BLTP1: variants seen among roughly 807,000 people sequenced by gnomAD.
The protein encoded by BLTP1 is bridge-like lipid transfer protein family member 1, also known as fragile site-associated protein.
chr4:122,224,179 C>T, the BLTP1 span: 1 of 698,210 alleles, frequency 1.4e-6, no homozygotes, highest in Non-Finnish European at 1.8e-6. Context: ...AGACTGGTCT[C>T]TTGTATTCCC....
chr4:122,167,991 TACA>T, the BLTP1 span: 1 of 715,472 alleles, frequency 1.4e-6, no homozygotes, highest in Non-Finnish European at 1.7e-6. Context: ...TGGCTGAGCA[TACA>T]ACATTTTTGT....
the BLTP1 span, among the ~76,000 whole-genome samples, chr4:122,163,305 A>T: frequency 6.6e-6 from 1 of 152,160 alleles, no homozygotes; most frequent in African/African-American, 2.4e-5. Context: ...CATATTGGGA[A>T]CTCTGAAGAC....
the BLTP1 span, chr4:122,288,796 A>G: frequency 2.5e-6 from 1 of 402,400 alleles, no homozygotes; most frequent in Admixed American, 6.4e-5. Context: ...TTTAATTTCA[A>G]AATTAGCAAG....
At chr4:122,246,583 G>T in the BLTP1 span, 4 of 1,354,786 alleles carry the variant, frequency 3.0e-6, no homozygotes, top group Non-Finnish European at 3.0e-6. Context: ...CAAATACATA[G>T]ATATGCCATT....
the BLTP1 span, chr4:122,186,244 T>G: frequency 1.3e-6 from 2 of 1,583,908 alleles, no homozygotes; most frequent in Non-Finnish European, 1.7e-6. Flanking sequence ...TACTTGAATT[T>G]TATTAAACTC....
chr4:122,237,838 C>T, the BLTP1 span, among the ~76,000 whole-genome samples: 1 of 151,814 alleles, frequency 6.6e-6, no homozygotes, highest in Non-Finnish European at 1.5e-5. Context: ...CAAAAATTAG[C>T]TGGGTGTGGT....
the BLTP1 span, chr4:122,207,046 G>A: frequency 6.9e-7 from 1 of 1,457,380 alleles, no homozygotes; most frequent in South Asian, 1.3e-5. Flanking sequence ...TAGAAAATCT[G>A]TGTTTTACTT....
chr4:122,319,123 GT>G, the BLTP1 span, among the ~76,000 whole-genome samples: 1 of 151,814 alleles, frequency 6.6e-6, no homozygotes, highest in African/African-American at 2.4e-5. Flanking sequence ...TTTTTTCTTA[GT>G]TGTCCTGGCT....
At chr4:122,237,655 T>G in the BLTP1 span, 1 of 757,034 alleles carries the variant, frequency 1.3e-6, no homozygotes, top group Non-Finnish European at 1.6e-6. Context: ...GATCTATACT[T>G]ATGTAGATAT....
At chr4:122,216,423 A>T in the BLTP1 span, among the ~76,000 whole-genome samples, 1 of 152,116 alleles carries the variant, frequency 6.6e-6, no homozygotes, top group Non-Finnish European at 1.5e-5. Context: ...CCACACCAAC[A>T]TCTATTATTT....
the BLTP1 span, chr4:122,328,128 C>T: frequency 1.2e-6 from 2 of 1,603,742 alleles, no homozygotes; most frequent in South Asian, 1.1e-5. Flanking sequence ...AGAACTGGAC[C>T]TTTTGTCAGT....
chr4:122,267,278 C>G, the BLTP1 span, among the ~76,000 whole-genome samples: 1 of 151,732 alleles, frequency 6.6e-6, no homozygotes, highest in Non-Finnish European at 1.5e-5. Context: ...CCAGGATGGT[C>G]TTGAACTCCT....
At chr4:122,291,327 C>T in the BLTP1 span, among the ~76,000 whole-genome samples, 1 of 152,232 alleles carries the variant, frequency 6.6e-6, no homozygotes, top group Admixed American at 6.5e-5. Flanking sequence ...TTCAGTTATT[C>T]TGTCAAGACC....
chr4:122,353,824 T>A, the BLTP1 span: 1 of 1,609,004 alleles, frequency 6.2e-7, no homozygotes, highest in Non-Finnish European at 8.5e-7. This position sits in a 1 kb window ranked among gnomAD's most constrained non-coding sequence, Gnocchi z 4.3. Flanking sequence ...GCTCCAGTGA[T>A]CATTCTACAT....
the BLTP1 span, chr4:122,340,671 T>C: frequency 1.0e-6 from 1 of 969,646 alleles, no homozygotes; most frequent in Non-Finnish European, 1.2e-6. Context: ...GGCTGATACC[T>C]TAGAAATAAA....
At chr4:122,251,836 C>G in the BLTP1 span, among the ~76,000 whole-genome samples, 1 of 152,186 alleles carries the variant, frequency 6.6e-6, no homozygotes, top group Non-Finnish European at 1.5e-5. Context: ...TATTTGTCTA[C>G]TACTCCCTGA....
chr4:122,238,255 G>A, the BLTP1 span: 1 of 1,613,906 alleles, frequency 6.2e-7, no homozygotes, highest in East Asian at 2.2e-5. Flanking sequence ...AGCCTTTGTT[G>A]GCTGGTGAAA....
At chr4:122,325,750 CATTAT>C in the BLTP1 span, 1 of 784,762 alleles carries the variant, frequency 1.3e-6, no homozygotes, top group Non-Finnish European at 1.8e-6. Context: ...GCATATTAAA[CATTAT>C]ATTAAAATGT....
the BLTP1 span, chr4:122,249,877 T>C: frequency 1.0e-6 from 1 of 984,684 alleles, no homozygotes; most frequent in Non-Finnish European, 1.2e-6. Flanking sequence ...CATTATGTGA[T>C]TTCCAAAGTA....
Sources: gnomAD v4.1 joint callset for allele counts (sites outside exome capture counted in the v4.1 genomes callset) on GRCh38, gnomAD v4.1.1 for gene constraint, Gnocchi (gnomAD v3.1) non-coding constraint, MANE v1.5 for transcripts, NCBI Gene and HGNC (gene_info 2026-07-23, HGNC 2026-07-21) for gene names.